LIX1L: variants seen among roughly 807,000 people sequenced by gnomAD.
The protein encoded by LIX1L is LIX1-like protein.
LIX1L carries 20 observed loss-of-function variants against 34.0 expected under a neutral mutation model. That is an observed-to-expected ratio of 0.59 (90% CI 0.41 to 0.85). The LOEUF (loss-of-function observed/expected upper bound fraction) is 0.85, where lower values mean the gene tolerates loss of function less well. Among genes scored for constraint, LIX1L ranks in the 40% least tolerant of loss-of-function variants. The pLI is 0.00. For synonymous variants in LIX1L, 170 were observed against 187.4 expected (o/e 0.91, Z 0.76); for missense variants, 397 against 447.0 (o/e 0.89, Z 1.01).
intron 1 of LIX1L, among the ~76,000 whole-genome samples, chr1:145,956,787 A>C (rs1325533626): frequency 6.6e-6 from 1 of 152,204 alleles, no homozygotes; most frequent in Non-Finnish European, 1.5e-5. Flanking sequence ...ACAGGAAACT[A>C]CCCTAGTTAA....
chr1:145,951,382 T>G (rs1570971790), intron 1 of LIX1L, among the ~76,000 whole-genome samples: 1 of 152,138 alleles, frequency 6.6e-6, no homozygotes, highest in Non-Finnish European at 1.5e-5. Flanking sequence ...AATAATAAAT[T>G]ATCTCGCCTG....
In LIX1L at chr1:145,957,702, C is replaced by CT; in HGVS notation, c.225dup (p.Val76SerfsTer42). ...ACGGCCTCCACGGCCTCTCGCAGCACTGCCGGGCTGCCGGCGGCGCCGGGG... is the reference window on the plus strand; with the variant it reads ...ACGGCCTCCACGGCCTCTCGCAGCACTTGCCGGGCTGCCGGCGGCGCCGGGG... On this transcript the variant is annotated frameshift_variant, in exon 1 of 6. Transcript: ENST00000604000. LOFTEE classifies it high-confidence loss of function. 4.7e-6 allele frequency: 7 copies of CT among 1,503,802 alleles called. No homozygotes were observed. The highest frequency in any genetic ancestry group is 5.3e-6 in the Non-Finnish European group (6 of 1,132,126). The allele number at this position is 1,503,802 out of a possible 1,614,324, so 93.2% of individuals were successfully genotyped here.
At chr1:145,937,769 A>C (rs1201358258) in intron 3 of LIX1L, 70 bp from the exon 4 acceptor site, 2 of 912,890 alleles carry the variant, frequency 2.2e-6, no homozygotes, top group Non-Finnish European at 3.6e-6. Flanking sequence ...AGCACTGTCC[A>C]GTAGAAATAT....
intron 1 of LIX1L, among the ~76,000 whole-genome samples, chr1:145,956,677 G>A (rs1649483720): frequency 1.3e-5 from 2 of 152,192 alleles, no homozygotes; most frequent in African/African-American, 4.8e-5. Context: ...CAAGCAGACA[G>A]AAGGGATGTC....
chr1:145,949,380 G>C (rs1553759547), intron 1 of LIX1L, among the ~76,000 whole-genome samples: 1 of 152,176 alleles, frequency 6.6e-6, no homozygotes, highest in African/African-American at 2.4e-5. Flanking sequence ...CACTAGGCAA[G>C]AGGTGAGAGG....
intron 1 of LIX1L, among the ~76,000 whole-genome samples, chr1:145,955,116 A>G (rs1399293877): frequency 3.3e-5 from 5 of 152,232 alleles, no homozygotes; most frequent in African/African-American, 1.2e-4. Flanking sequence ...ATGAATGAAG[A>G]GAACAGATGA....
At chr1:145,943,363 A>G (rs1648991921) in intron 2 of LIX1L, among the ~76,000 whole-genome samples, 1 of 152,184 alleles carries the variant, frequency 6.6e-6, no homozygotes, top group South Asian at 2.1e-4. Flanking sequence ...CTTCATTTTT[A>G]GCTGTGAGCA....
chr1:145,949,976 C>T (rs781923439), intron 1 of LIX1L, among the ~76,000 whole-genome samples: 2 of 151,896 alleles, frequency 1.3e-5, no homozygotes, highest in Non-Finnish European at 2.9e-5. Flanking sequence ...CCACCACGCC[C>T]GTCTAATTTT....
intron 1 of LIX1L, among the ~76,000 whole-genome samples, chr1:145,956,722 C>A (rs948385135): frequency 6.6e-6 from 1 of 152,184 alleles, no homozygotes; most frequent in African/African-American, 2.4e-5. Context: ...GTATTCCACA[C>A]CCTTCACTAT....
rs782222297 is a variant in LIX1L at position 145,937,590 on chromosome 1, A to G, written c.693+14T>C. On this transcript the variant is annotated intron_variant, in intron 4 of 5. Coordinates refer to ENST00000604000, the MANE Select transcript of LIX1L (RefSeq NM_153713.3). ...CCCATGTTATTAGAACCAGGGAAGT[A>G]CATGGGAAAGTACCTGGAACTCCAA... The G allele has an allele frequency of 1.9e-6, 3 of 1,562,384 alleles. No individual in the cohort carries two copies. The South Asian group carries it at 3.3e-5, about 17-fold the overall frequency.
intron 2 of LIX1L, 145 bp downstream of exon 2, chr1:145,947,474 C>T: frequency 1.2e-6 from 1 of 837,710 alleles, no homozygotes; most frequent in Non-Finnish European, 1.9e-6. Context: ...AAATTGGCCT[C>T]AGATGCTTGC....
chr1:145,954,786 C>A (rs587610793), intron 1 of LIX1L, among the ~76,000 whole-genome samples: 52 of 152,326 alleles, frequency 3.4e-4, no homozygotes, highest in Non-Finnish European at 1.3e-4. Flanking sequence ...ATAGTAGCAA[C>A]CATACTGAGT....
chr1:145,950,717 C>T (rs1253243656), intron 1 of LIX1L, among the ~76,000 whole-genome samples: 1 of 152,154 alleles, frequency 6.6e-6, no homozygotes, highest in Non-Finnish European at 1.5e-5. Context: ...GTCCTCATGC[C>T]AAAGGAATCC....
intron 1 of LIX1L, among the ~76,000 whole-genome samples, chr1:145,949,697 T>A (rs1391883884): frequency 6.6e-6 from 1 of 152,110 alleles, no homozygotes; most frequent in African/African-American, 2.4e-5. Flanking sequence ...ATCAGTTTGC[T>A]TTTAGAAAGG....
At chr1:145,945,646 G>T (rs1209903302) in intron 2 of LIX1L, among the ~76,000 whole-genome samples, 1 of 151,652 alleles carries the variant, frequency 6.6e-6, no homozygotes, top group Non-Finnish European at 1.5e-5. Flanking sequence ...TACTTGGGAG[G>T]CTGAGGCAGG....
chr1:145,937,151 TTTATTTATTTATTTATTTATTTAC>T (rs1648682443), intron 4 of LIX1L, among the ~76,000 whole-genome samples, 166 bp from the exon 5 acceptor site: 1 of 149,168 alleles, frequency 6.7e-6, no homozygotes, highest in African/African-American at 2.5e-5. Context: ...TATTTATTTA[TTTATTTATTTATTTATTTATTTAC>T]TTACTTACTT....
chr1:145,945,563 A>G (rs1343570457), intron 2 of LIX1L, among the ~76,000 whole-genome samples: 2 of 151,574 alleles, frequency 1.3e-5, no homozygotes, highest in Non-Finnish European at 2.9e-5. Context: ...CCTGGCCAAC[A>G]TGGCGAAACC....
At chr1:145,956,430 A>G (rs893200626) in intron 1 of LIX1L, among the ~76,000 whole-genome samples, 5 of 152,208 alleles carry the variant, frequency 3.3e-5, no homozygotes, top group Admixed American at 2.0e-4. Flanking sequence ...TGTCATTTGC[A>G]ATGTCTCAGT....
Position 145,957,824 on chromosome 1 carries a change from G to A in LIX1L, c.104C>T (p.Thr35Ile), listed in dbSNP as rs782023403. 1 of 1,399,600 alleles carries A rather than the reference G, an allele frequency of 7.1e-7. No homozygotes were observed. Among genetic ancestry groups the A allele is most frequent in the South Asian group, 1.6e-5 (1 of 63,732 alleles). 86.7% of individuals were successfully genotyped at this position (1,399,600 alleles called of 1,614,324 possible). The change falls in exon 1 of 6, where the codon ACC becomes ATC. Residue 35 changes from threonine (T) to isoleucine (I), a missense_variant. Physicochemically the swap from Thr to Ile is moderately conservative, Grantham distance 89. This residue lies in a region of LIX1L where 207 missense variants were observed against 205.2 expected (regional missense o/e 1.01). Coordinates refer to ENST00000604000, the MANE Select transcript of LIX1L (RefSeq NM_153713.3). Reference protein sequence around the residue: ...RPGVTGAAAATATPPAGPPPA... With the variant: ...RPGVTGAAAAIATPPAGPPPA... ...CGGGGGGCCCGCAGGGGGTGTGGCGGTGGCGGCCGCGGCCCCAGTCACTCC... is the reference window on the plus strand; with the variant it reads ...CGGGGGGCCCGCAGGGGGTGTGGCGATGGCGGCCGCGGCCCCAGTCACTCC...
Sources: allele counts gnomAD v4.1 joint callset (sites outside exome capture counted in the v4.1 genomes callset), GRCh38; gene constraint gnomAD v4.1.1; regional missense constraint gnomAD v4.1.1; transcripts MANE v1.5; gene names NCBI Gene and HGNC (gene_info 2026-07-23, HGNC 2026-07-21).